TRIOBP: variants seen among roughly 807,000 people sequenced by gnomAD.
TRIOBP encodes TRIO and F-actin-binding protein.
Under a neutral mutation model 238.8 loss-of-function variants are expected in TRIOBP, and 169 were observed. That is an observed-to-expected ratio of 0.71 (90% confidence interval 0.62 to 0.80). The LOEUF (loss-of-function observed/expected upper bound fraction) is 0.80. Ranked by LOEUF, TRIOBP falls within the 30% of genes least tolerant of loss-of-function variation. TRIOBP has a pLI of 0.00. For synonymous variants in TRIOBP, 1,150 were observed against 1,274.4 expected (o/e 0.90, Z 2.08); for missense variants, 2,838 against 3,122.6 (o/e 0.91, Z 2.17).
chr22:37,727,068 G>A (rs1174070188), intron 7 of TRIOBP, among the ~76,000 whole-genome samples: 11 of 151,562 alleles, frequency 7.3e-5, no homozygotes, highest in African/African-American at 2.2e-4. Context: ...CACCACACCC[G>A]GCTAATTTTT....
intron 11 of TRIOBP, among the ~76,000 whole-genome samples, chr22:37,741,304 A>C (rs1366239397): frequency 6.6e-6 from 1 of 152,126 alleles, no homozygotes; most frequent in Admixed American, 6.5e-5. Context: ...GAAAGCTTCC[A>C]ATCAGCAGCC....
rs1037574679 is a variant in TRIOBP at position 37,725,956 on chromosome 22, C to G, written c.3400C>G (p.Leu1134Val). The change falls in exon 7 of 24, where the codon CTC becomes GTC. Residue 1134 changes from leucine to valine, a missense_variant. Leu to Val is a conservative substitution (Grantham distance 32, BLOSUM62 1). This residue lies in a region of TRIOBP where 2,096 missense variants were observed against 2,137.4 expected (regional missense o/e 0.98). Coordinates refer to ENST00000644935, the MANE Select transcript of TRIOBP (RefSeq NM_001039141.3). ...SPPRQAPEPS[L>V]LFQDLPRAST... ...ACCACGCCAGGCCCCAGAGCCTTCC[C>G]TCTTATTCCAGGACCTCCCCAGGGC... 25 of 1,610,972 alleles carry G rather than the reference C, an allele frequency of 1.6e-5. No individual in the cohort carries two copies. The highest frequency in any genetic ancestry group is 2.1e-5 in the Non-Finnish European group (25 of 1,179,270).
chr22:37,714,788 C>A (rs554768879), intron 5 of TRIOBP, among the ~76,000 whole-genome samples: 1 of 152,292 alleles, frequency 6.6e-6, no homozygotes, highest in South Asian at 2.1e-4. Context: ...GTGATCCCCC[C>A]ACCTCAGCCT....
intron 15 of TRIOBP, 116 bp downstream of exon 15, chr22:37,755,775 A>C (rs1008820393): frequency 4.8e-6 from 4 of 826,172 alleles, no homozygotes; most frequent in African/African-American, 3.4e-5. Context: ...TTCTCTGTCA[A>C]CAACATGGGA....
At chr22:37,753,862 T>C (rs1385772931) in intron 12 of TRIOBP, among the ~76,000 whole-genome samples, 1 of 152,108 alleles carries the variant, frequency 6.6e-6, no homozygotes, top group East Asian at 1.9e-4. Context: ...CCGGGTGATA[T>C]GCACTGACCC....
intron 3 of TRIOBP, among the ~76,000 whole-genome samples, chr22:37,710,002 C>T (rs1923150285): frequency 6.6e-6 from 1 of 152,236 alleles, no homozygotes; most frequent in South Asian, 2.1e-4. Context: ...GCAAAAGACC[C>T]TGGTGGATCC....
At chr22:37,757,253 C>G (rs771141101) in intron 15 of TRIOBP, among the ~76,000 whole-genome samples, 28 of 152,310 alleles carry the variant, frequency 1.8e-4, no homozygotes, top group Middle Eastern at 3.4e-3. Flanking sequence ...GTCCCAGCTA[C>G]TCCAGAGGCC....
chr22:37,712,457 G>A (rs1308291960), intron 4 of TRIOBP, among the ~76,000 whole-genome samples: 1 of 152,052 alleles, frequency 6.6e-6, no homozygotes, highest in East Asian at 2.0e-4. Flanking sequence ...TCAGCCTCCT[G>A]AGTAGCTGGG....
chr22:37,746,351 G>A, intron 11 of TRIOBP: 1 of 1,197,096 alleles, frequency 8.4e-7, no homozygotes, highest in Non-Finnish European at 1.0e-6. Context: ...CCGCGCCGCG[G>A]AGCCCGGCCC....
At chr22:37,750,572 G>C (rs1925530399) in intron 11 of TRIOBP, 1 of 463,920 alleles carries the variant, frequency 2.2e-6, no homozygotes, top group Admixed American at 2.4e-5. Context: ...GCAGAATACA[G>C]AGCAGCGGGA....
intron 17 of TRIOBP, among the ~76,000 whole-genome samples, chr22:37,760,745 G>A (rs991854145): frequency 6.6e-6 from 1 of 152,166 alleles, no homozygotes; most frequent in African/African-American, 2.4e-5. Context: ...GGAGGCCGAA[G>A]TGGGCAGATC....
At chr22:37,738,306 T>G (rs1924773510) in intron 9 of TRIOBP, among the ~76,000 whole-genome samples, 1 of 151,752 alleles carries the variant, frequency 6.6e-6, no homozygotes, top group South Asian at 2.1e-4. Context: ...TGGATAGATG[T>G]GGCATGGGTG....
chr22:37,726,592 T>C (rs1296589880), intron 7 of TRIOBP, 89 bp downstream of exon 7: 1 of 1,300,502 alleles, frequency 7.7e-7, no homozygotes, highest in Non-Finnish European at 1.0e-6. Context: ...AAAGAAAGTG[T>C]TCAAATCCCC....
chr22:37,744,399 G>A lies in TRIOBP; in HGVS notation c.5322+3367G>A, dbSNP rs551101746. Among the ~76,000 whole-genome samples the A allele has an allele frequency of 2.1e-3, 319 of 152,310 alleles. 1 individual carries two copies. The highest frequency in any genetic ancestry group is 0.01 in the Middle Eastern group (3 of 294). On this transcript the variant is annotated intron_variant, in intron 11 of 23. Coordinates refer to ENST00000644935, the MANE Select transcript of TRIOBP (RefSeq NM_001039141.3). ...CTCCAGCCTGTCAAATGAGAATCTGGAAGGCCAGGATGACAGGCAGGAGCC... is the reference window on the plus strand; with the variant it reads ...CTCCAGCCTGTCAAATGAGAATCTGAAAGGCCAGGATGACAGGCAGGAGCC...
intron 11 of TRIOBP, among the ~76,000 whole-genome samples, 200 bp downstream of exon 11, chr22:37,741,232 G>A (rs1179152124): frequency 3.3e-5 from 5 of 152,164 alleles, no homozygotes; most frequent in Admixed American, 3.3e-4. Flanking sequence ...CCACTTCCGG[G>A]GCAGGCTTGG....
At chr22:37,758,276 A>T in intron 16 of TRIOBP, 138 bp downstream of exon 16, 1 of 1,135,326 alleles carries the variant, frequency 8.8e-7, no homozygotes, top group Non-Finnish European at 1.3e-6. Flanking sequence ...TGTGCACCCC[A>T]CACTCCTGCG....
chr22:37,722,551 AC>A (rs1424255423), intron 6 of TRIOBP, among the ~76,000 whole-genome samples: 1 of 150,416 alleles, frequency 6.6e-6, no homozygotes, highest in East Asian at 1.9e-4. Flanking sequence ...ACATGGTGAA[AC>A]CCCGTCTCTA....
Position 37,705,994 on chromosome 22 carries a change from C to T in TRIOBP, c.115-4433C>T, listed in dbSNP as rs370608598. Among the ~76,000 whole-genome samples the T allele has an allele frequency of 1.7e-4, 26 of 152,184 alleles. No individual in the cohort carries two copies. In the South Asian group the frequency reaches 4.6e-3, roughly 27 times the overall value. On this transcript the variant is annotated intron_variant, in intron 3 of 23. Coordinates refer to ENST00000644935, the MANE Select transcript of TRIOBP (RefSeq NM_001039141.3). ...GGTGGTGAGAGTGAATCAGGTGACC[C>T]GCCAGGAAAAGGTGCACGTACTCAT...
chr22:37,738,810 A>G, intron 10 of TRIOBP, 91 bp downstream of exon 10: 1 of 1,379,388 alleles, frequency 7.2e-7, no homozygotes, highest in Non-Finnish European at 1.0e-6. Flanking sequence ...GAGCCCTAGA[A>G]TCAACCAGAC....
Sources: gnomAD v4.1 joint callset for allele counts (sites outside exome capture counted in the v4.1 genomes callset) on GRCh38, gnomAD v4.1.1 for gene constraint, gnomAD v4.1.1 regional missense constraint, MANE v1.5 for transcripts, NCBI Gene and HGNC (gene_info 2026-07-23, HGNC 2026-07-21) for gene names.